TACC2: variants seen among roughly 807,000 people sequenced by gnomAD.
The protein encoded by TACC2 is transforming acidic coiled-coil-containing protein 2.
A neutral mutation model predicts 227.3 loss-of-function variants in TACC2; 137 were observed. The ratio of observed to expected loss-of-function variants is 0.60; its 90% CI spans 0.52 to 0.69. The LOEUF (loss-of-function observed/expected upper bound fraction) is 0.69. Ranked by LOEUF, TACC2 falls within the 30% of genes least tolerant of loss-of-function variation. The pLI, the probability that TACC2 is intolerant of heterozygous loss-of-function variation, is 0.00. For missense variants in TACC2, 3,470 were observed against 3,694.4 expected (o/e 0.94, Z 1.57); for synonymous variants, 1,523 against 1,487.5 (o/e 1.02, Z -0.55).
In TACC2 at chr10:122,180,767, G is replaced by T. The variant is rs981945139; in HGVS notation, c.5835-14273G>T. Among the ~76,000 whole-genome samples the T allele has an allele frequency of 6.6e-6, 1 of 151,940 alleles. No homozygotes were observed. Among genetic ancestry groups the T allele is most frequent in the African/African-American group, 2.4e-5 (1 of 41,334 alleles). On this transcript the variant is annotated intron_variant, in intron 7 of 22. Transcript: ENST00000369005. This position sits in a 1 kb window ranked among gnomAD's most constrained non-coding sequence, Gnocchi z 4.5. Reference sequence around the variant, plus strand: ...TTTATTTTTTTTGAGACGGAGTCTCGCTCTGTTGCCGAGGCTGGATGGAGT... The same window carrying T: ...TTTATTTTTTTTGAGACGGAGTCTCTCTCTGTTGCCGAGGCTGGATGGAGT...
In TACC2 at chr10:122,190,391, G is replaced by A. The variant is rs543883545; in HGVS notation, c.5835-4649G>A. Among the ~76,000 whole-genome samples, 3 of 152,280 alleles carry A rather than the reference G, an allele frequency of 2.0e-5. No individual in the cohort carries two copies. The South Asian group carries it at 6.2e-4, about 32-fold the overall frequency. On this transcript the variant is annotated intron_variant, in intron 7 of 22. Transcript: ENST00000369005. Reference sequence around the variant, plus strand: ...TGTGTGGAGCAGAGCTTTTCCGACTGTGCTCTGTGGGACTCTAGAGACCAA... The same window carrying A: ...TGTGTGGAGCAGAGCTTTTCCGACTATGCTCTGTGGGACTCTAGAGACCAA...
chr10:122,092,538 C>T (rs1050009304), intron 5 of TACC2, among the ~76,000 whole-genome samples: 1 of 152,150 alleles, frequency 6.6e-6, no homozygotes, highest in Non-Finnish European at 1.5e-5. Context: ...GTGTCTTTTT[C>T]TATTTTGATG....
Position 122,168,284 on chromosome 10 carries a change from G to C in TACC2, c.5834+24578G>C, listed in dbSNP as rs56167272. 7.7e-3 allele frequency among the ~76,000 whole-genome samples: 1,179 copies of C among 152,246 alleles called. 9 individuals carry two copies. The highest frequency in any genetic ancestry group is 0.013 in the Non-Finnish European group (876 of 68,014). ...GCTTAAACGACAGCATTCCTAATGT[G>C]AGTTGCAGCCAGTTTCTGAGTTCCT... On this transcript the variant is annotated intron_variant, in intron 7 of 22. Transcript: ENST00000369005.
intron 8 of TACC2, among the ~76,000 whole-genome samples, chr10:122,203,226 G>A (rs2094940028): frequency 6.7e-6 from 1 of 148,658 alleles, no homozygotes; most frequent in Middle Eastern, 3.4e-3. Context: ...TCATTTCCCA[G>A]TAGGGGCGGC....
chr10:122,095,657 G>C (rs2081296798), intron 5 of TACC2, among the ~76,000 whole-genome samples: 1 of 152,196 alleles, frequency 6.6e-6, no homozygotes, highest in South Asian at 2.1e-4. Context: ...AGGCTTTTCA[G>C]ACATCAGATC....
At position 122,194,994 on chromosome 10, in the gene TACC2, T is replaced by G. The variant is rs1380087113; in HGVS notation, c.5835-46T>G. 1.3e-6 allele frequency: 2 copies of G among 1,560,690 alleles called. No homozygotes were observed. Among genetic ancestry groups the G allele is most frequent in the African/African-American group, 1.4e-5 (1 of 73,930 alleles). ...GAAGGCCACACCGGCTCAGCAGAACTGGCTCTGGGCCCCTGTCTAACCTGT... is the reference window on the plus strand; with the variant it reads ...GAAGGCCACACCGGCTCAGCAGAACGGGCTCTGGGCCCCTGTCTAACCTGT... On this transcript the variant is annotated intron_variant, in intron 7 of 22. Transcript: ENST00000369005. This position sits in a 1 kb window ranked among gnomAD's most constrained non-coding sequence, Gnocchi z 4.4.
chr10:122,044,116 G>A (rs1202603426), intron 2 of TACC2, among the ~76,000 whole-genome samples: 1 of 152,156 alleles, frequency 6.6e-6, no homozygotes, highest in Admixed American at 6.5e-5. Context: ...GAAGAGTGAG[G>A]ACTCAAACCC....
At chr10:122,195,993 G>A (rs2094556005) in intron 8 of TACC2, among the ~76,000 whole-genome samples, 1 of 152,134 alleles carries the variant, frequency 6.6e-6, no homozygotes, top group African/African-American at 2.4e-5. Context: ...AAGTCTGCAG[G>A]GCCAAACCCC....
chr10:122,071,044 A>AT (rs920708483), intron 3 of TACC2, among the ~76,000 whole-genome samples: 5 of 152,210 alleles, frequency 3.3e-5, no homozygotes, highest in African/African-American at 1.2e-4. Flanking sequence ...CAAAACTCTC[A>AT]TTTGCATTTT....
intron 1 of TACC2, among the ~76,000 whole-genome samples, chr10:121,998,085 G>A (rs1335991066): frequency 6.6e-6 from 1 of 152,068 alleles, no homozygotes; most frequent in East Asian, 1.9e-4. Flanking sequence ...GCCAAGGCAG[G>A]TGGATCACAA....
chr10:122,241,267 G>A (rs1479445478), intron 18 of TACC2, among the ~76,000 whole-genome samples: 8 of 152,066 alleles, frequency 5.3e-5, no homozygotes, highest in Admixed American at 3.9e-4. Context: ...CTCAGTTGTC[G>A]GGCTGGAGGT....
chr10:122,060,116 A>G (rs4752639), intron 3 of TACC2, among the ~76,000 whole-genome samples: 29,141 of 152,150 alleles, frequency 0.19, 2,858 homozygotes, highest in East Asian at 0.32. Context: ...CAAAGGGCTT[A>G]AGGAGGAAGA....
At chr10:122,197,910 TGTGC>T (rs1174717756) in intron 8 of TACC2, among the ~76,000 whole-genome samples, 3 of 152,258 alleles carry the variant, frequency 2.0e-5, no homozygotes, top group African/African-American at 7.2e-5. Flanking sequence ...GGAAGGCAGC[TGTGC>T]TTGCTAGTGT....
chr10:122,148,308 C>T lies in TACC2; in HGVS notation c.5834+4602C>T, dbSNP rs1385514777. On this transcript the variant is annotated intron_variant, in intron 7 of 22. Coordinates refer to ENST00000369005, the MANE Select transcript of TACC2 (RefSeq NM_206862.4). ...TAGTAGAGATGGGGTTTCACCATGT[C>T]GACCAGGCTGGTCTCGAACTCCTGA... 4.6e-5 allele frequency among the ~76,000 whole-genome samples: 7 copies of T among 152,098 alleles called. 1 individual carries two copies. In the South Asian group the frequency reaches 6.2e-4, roughly 14 times the overall value.
At chr10:122,131,726 A>G (rs1035928761) in intron 5 of TACC2, among the ~76,000 whole-genome samples, 4 of 152,132 alleles carry the variant, frequency 2.6e-5, no homozygotes, top group African/African-American at 9.7e-5. Context: ...TAGTCTATCA[A>G]ATTGCTACAG....
At chr10:122,116,242 G>A (rs962046288) in intron 5 of TACC2, among the ~76,000 whole-genome samples, 2 of 152,206 alleles carry the variant, frequency 1.3e-5, no homozygotes, top group Admixed American at 1.3e-4. Context: ...CCGACCCTTT[G>A]TAATGGAGGT....
At chr10:122,093,676 C>T (rs747092503) in intron 5 of TACC2, among the ~76,000 whole-genome samples, 31 of 152,162 alleles carry the variant, frequency 2.0e-4, no homozygotes, top group Non-Finnish European at 2.4e-4. Flanking sequence ...CTTGGATAAG[C>T]TGCTTAACTT....
chr10:122,113,677 G>A (rs2084070245), intron 5 of TACC2, among the ~76,000 whole-genome samples: 1 of 152,244 alleles, frequency 6.6e-6, no homozygotes, highest in Non-Finnish European at 1.5e-5. Flanking sequence ...TCGCGTGGGG[G>A]CATCCCCGGC....
chr10:122,066,100 CT>C (rs374095548), intron 3 of TACC2, among the ~76,000 whole-genome samples: 298 of 143,366 alleles, frequency 2.1e-3, no homozygotes, highest in Middle Eastern at 3.6e-3. Context: ...AAAATCTATA[CT>C]TTTTTTTTTT....
Sources: gnomAD v4.1 joint callset for allele counts (sites outside exome capture counted in the v4.1 genomes callset) on GRCh38, gnomAD v4.1.1 for gene constraint, Gnocchi (gnomAD v3.1) non-coding constraint, MANE v1.5 for transcripts, NCBI Gene and HGNC (gene_info 2026-07-23, HGNC 2026-07-21) for gene names.